Variants in SIK3 observed in about 807,000 individuals in gnomAD.
The protein encoded by SIK3 is serine/threonine-protein kinase SIK3.
A neutral mutation model predicts 144.2 loss-of-function variants in SIK3; 28 were observed. The ratio of observed to expected loss-of-function variants is 0.19; its 90% confidence interval spans 0.14 to 0.27. The LOEUF is 0.27. SIK3 is among the 10% of genes least tolerant of loss of function. SIK3 has a pLI of 1.00. For missense variants in SIK3, 1,319 were observed against 1,776.0 expected, an observed-to-expected ratio of 0.74 and a Z score of 4.62; for synonymous variants, 686 against 676.3, an observed-to-expected ratio of 1.01 and a Z score of -0.22.
At chr11:116,979,993 T>C (rs1950084940) in intron 1 of SIK3, among the ~76,000 whole-genome samples, 1 of 152,214 alleles carries the variant, frequency 6.6e-6, no homozygotes, top group Non-Finnish European at 1.5e-5. Context: ...ATCTCTTCTT[T>C]CTCTGTACTA....
At chr11:117,097,481 A>G (rs541537394) in intron 1 of SIK3, among the ~76,000 whole-genome samples, 1 of 138,690 alleles carries the variant, frequency 7.2e-6, no homozygotes, top group South Asian at 2.4e-4. Context: ...CCTGTGGACA[A>G]GCAAAGCAAT....
intron 3 of SIK3, 108 bp from the exon 4 acceptor site, chr11:116,927,488 C>G: frequency 1.1e-6 from 1 of 951,128 alleles, no homozygotes; most frequent in Non-Finnish European, 1.6e-6. Context: ...GTTAAAGAGG[C>G]AAAATGAGCA....
chr11:116,980,610 C>T (rs905545406), intron 1 of SIK3, among the ~76,000 whole-genome samples: 3 of 152,198 alleles, frequency 2.0e-5, no homozygotes, highest in East Asian at 1.9e-4. Context: ...GCCAGCACTT[C>T]GGGAGGCCGA....
At chr11:117,050,636 G>A (rs999403931) in intron 1 of SIK3, among the ~76,000 whole-genome samples, 11 of 151,372 alleles carry the variant, frequency 7.3e-5, no homozygotes, top group African/African-American at 2.2e-4. Flanking sequence ...GCAGTGAGCC[G>A]AGATCACACC....
At chr11:117,093,985 G>A (rs73576678) in intron 1 of SIK3, among the ~76,000 whole-genome samples, 3,072 of 152,166 alleles carry the variant, frequency 0.02, 111 homozygotes, top group African/African-American at 0.07. Context: ...TAATATTTAC[G>A]TCATGCTATT....
intron 6 of SIK3, among the ~76,000 whole-genome samples, chr11:116,893,269 A>G (rs934005992): frequency 1.3e-5 from 2 of 152,184 alleles, no homozygotes; most frequent in African/African-American, 4.8e-5. Context: ...CTGGTGGGGC[A>G]CATTGATTAT....
intron 1 of SIK3, among the ~76,000 whole-genome samples, chr11:117,017,168 A>G (rs1001038291): frequency 6.6e-6 from 1 of 152,322 alleles, no homozygotes; most frequent in Admixed American, 6.5e-5. Context: ...GAGGTGGGAG[A>G]ATCACTTCAG....
chr11:117,011,116 T>C (rs950196253), intron 1 of SIK3, among the ~76,000 whole-genome samples: 2 of 152,120 alleles, frequency 1.3e-5, no homozygotes, highest in African/African-American at 4.8e-5. Flanking sequence ...TGAGACCCTG[T>C]CTCAAACAAA....
intron 6 of SIK3, among the ~76,000 whole-genome samples, chr11:116,895,929 CCTA>C (rs1945375669): frequency 6.6e-6 from 1 of 152,194 alleles, no homozygotes; most frequent in South Asian, 2.1e-4. Context: ...ATGCCATGGG[CCTA>C]CTGAGTCTTC....
At position 116,955,624 on chromosome 11, in the gene SIK3, G is replaced by A. The variant is rs942784766; in HGVS notation, c.390+1324C>T. ...AGCCTAAGCCCCACAATTATTTAAA[G>A]ATGATTTATTTTAAAAGGTAAGGTC... On this transcript the variant is annotated intron_variant, in intron 2 of 24. Transcript: ENST00000445177. Among the ~76,000 whole-genome samples the A allele has an allele frequency of 9.2e-5, 14 of 152,108 alleles. No individual in the cohort carries two copies. In the South Asian group the frequency reaches 2.9e-3, roughly 32 times the overall value.
chr11:116,926,743 G>A (rs932758181), intron 4 of SIK3, among the ~76,000 whole-genome samples: 17 of 152,160 alleles, frequency 1.1e-4, no homozygotes, highest in Admixed American at 3.3e-4. Flanking sequence ...TAAACAGGCC[G>A]GGTGTGGTGG....
At chr11:116,934,367 A>G (rs1947788625) in intron 3 of SIK3, among the ~76,000 whole-genome samples, 1 of 152,236 alleles carries the variant, frequency 6.6e-6, no homozygotes, top group South Asian at 2.1e-4. Flanking sequence ...AATGAATGCT[A>G]AATGCTATTG....
Position 116,844,642 on chromosome 11 carries a change from A to ATATATATAATATATATATAATATATAT in SIK3, c.*1000_*1001insATATATATTATATATATATTATATATA. On this transcript the variant is annotated 3_prime_UTR_variant, in exon 25 of 25. Coordinates refer to ENST00000445177, the MANE Select transcript of SIK3 (RefSeq NM_001366686.3). ...TAATATATATATAATATATTATATT[A>ATATATATAATATATATATAATATATAT]TATATTATATATATAATATATATAT... 1.3e-5 allele frequency: 1 copy of ATATATATAATATATATATAATATATAT among 79,464 alleles called. No individual in the cohort carries two copies. Among genetic ancestry groups the ATATATATAATATATATATAATATATAT allele is most frequent in the Admixed American group, 1.2e-4 (1 of 8,064 alleles). The allele number at this position is 79,464 out of a possible 1,614,324, so 4.9% of individuals were successfully genotyped here. A position where few individuals can be genotyped will look rare whatever the true frequency, so the allele number is the denominator to read the frequency against.
chr11:116,921,535 T>C (rs1946975537), intron 4 of SIK3, among the ~76,000 whole-genome samples: 2 of 152,158 alleles, frequency 1.3e-5, no homozygotes, highest in African/African-American at 4.8e-5. Flanking sequence ...TTTTTTTTTC[T>C]TTTTTCTTCT....
Position 116,875,900 on chromosome 11 carries a change from C to G in SIK3, c.1205G>C (p.Arg402Pro), listed in dbSNP as rs777087992. ...LRLGALPSMP[R>P]ALAFQAPVNI... The stretch of plus-strand genomic sequence containing the variant: ...GACTGGTGCTTGAAAGGCCAGGGCT[C>G]GGGGCATGCTAGGAAGTGCTCCGAG... The change falls in exon 9 of 25, where the codon CGA becomes CCA. Residue 402 changes from arginine (R) to proline (P), a missense_variant. Arg to Pro is a moderately radical substitution (Grantham distance 103). Around this residue, in one of 8 missense-constraint regions of SIK3, gnomAD observed 109 missense variants for 109.3 expected, o/e 1.00. Coordinates refer to ENST00000445177, the MANE Select transcript of SIK3 (RefSeq NM_001366686.3). The G allele has an allele frequency of 1.2e-6, 2 of 1,610,168 alleles. No individual in the cohort carries two copies. The highest frequency in any genetic ancestry group is 3.4e-5 in the Admixed American group (2 of 58,350).
At chr11:116,865,850 T>TA (rs1943603718) in intron 15 of SIK3, among the ~76,000 whole-genome samples, 1 of 152,182 alleles carries the variant, frequency 6.6e-6, no homozygotes, top group Non-Finnish European at 1.5e-5. Flanking sequence ...AGACTGGCTT[T>TA]AATCTCTTTT....
intron 1 of SIK3, among the ~76,000 whole-genome samples, chr11:117,058,770 A>G (rs1489889920): frequency 2.6e-5 from 4 of 152,232 alleles, no homozygotes; most frequent in African/African-American, 7.2e-5. Flanking sequence ...TAATAAGCAC[A>G]GATGAGGCTA....
intron 1 of SIK3, among the ~76,000 whole-genome samples, chr11:117,024,049 T>C (rs1037071787): frequency 5.9e-5 from 9 of 152,198 alleles, no homozygotes; most frequent in Middle Eastern, 3.4e-3. Context: ...GACCACTGTA[T>C]ATTCTCCAAG....
chr11:117,019,676 T>TG, intron 1 of SIK3, among the ~76,000 whole-genome samples: 1 of 151,826 alleles, frequency 6.6e-6, no homozygotes, highest in Admixed American at 6.6e-5. Context: ...TGCAGTGGCG[T>TG]GATCTTGACT....
Sources: gnomAD v4.1 joint callset for allele counts (sites outside exome capture counted in the v4.1 genomes callset) on GRCh38, gnomAD v4.1.1 for gene constraint, gnomAD v4.1.1 regional missense constraint, MANE v1.5 for transcripts, NCBI Gene and HGNC (gene_info 2026-07-23, HGNC 2026-07-21) for gene names.